The following NCALD variants were observed in gnomAD, a reference collection of about 807,000 sequenced individuals.
NCALD encodes the protein neurocalcin delta, also known as neurocalcin-delta.
In NCALD, 10 loss-of-function variants were observed where a neutral mutation model predicts 18.6. That is an observed-to-expected ratio of 0.54 (90% confidence interval 0.33 to 0.91). The LOEUF (loss-of-function observed/expected upper bound fraction) is 0.91, where lower values mean the gene tolerates loss of function less well. NCALD is among the 40% of genes least tolerant of loss of function. The probability of loss-of-function intolerance (pLI) is 0.03; values close to 1 mark genes in which losing one functional copy is unlikely to be tolerated. For synonymous variants in NCALD, 88 were observed against 87.4 expected, an observed-to-expected ratio of 1.01 and a Z score of -0.04; for missense variants, 184 against 247.6, an observed-to-expected ratio of 0.74 and a Z score of 1.72.
intron 1 of NCALD, among the ~76,000 whole-genome samples, chr8:101,748,992 G>A (rs1810541644): frequency 6.6e-6 from 1 of 152,176 alleles, no homozygotes; most frequent in African/African-American, 2.4e-5. Flanking sequence ...TGGAGCATGT[G>A]TGCATGCGCG....
intron 1 of NCALD, among the ~76,000 whole-genome samples, chr8:102,114,804 G>A (rs1042482926): frequency 1.3e-5 from 2 of 152,244 alleles, no homozygotes; most frequent in African/African-American, 4.8e-5. Context: ...GCCAGGTGGA[G>A]AAGGGAGCCA....
intron 2 of NCALD, among the ~76,000 whole-genome samples, chr8:101,703,131 T>C (rs1384700543): frequency 6.7e-6 from 1 of 150,158 alleles, no homozygotes; most frequent in Non-Finnish European, 1.5e-5. Context: ...CCTCTTCATC[T>C]GGGCTGCGTT....
intron 4 of NCALD, among the ~76,000 whole-genome samples, chr8:101,812,210 TAG>T (rs1813331096): frequency 2.0e-5 from 3 of 152,156 alleles, no homozygotes; most frequent in Admixed American, 2.0e-4. Context: ...GGGCACTGGG[TAG>T]AGACTCAGGG....
intron 1 of NCALD, among the ~76,000 whole-genome samples, chr8:102,103,241 C>T (rs1439418987): frequency 6.4e-3 from 1 of 156 alleles, no homozygotes; most frequent in Non-Finnish European, 0.05. Context: ...CCTAAACACA[C>T]TCTACCCTTT....
intron 1 of NCALD, among the ~76,000 whole-genome samples, chr8:102,042,694 G>T (rs1399298844): frequency 6.9e-6 from 1 of 145,912 alleles, no homozygotes; most frequent in East Asian, 1.9e-4. Context: ...ACTCCTTGGG[G>T]TGAAGAAGGA....
At chr8:102,099,842 C>G (rs1825217810) in intron 1 of NCALD, among the ~76,000 whole-genome samples, 1 of 151,788 alleles carries the variant, frequency 6.6e-6, no homozygotes, top group African/African-American at 2.4e-5. Flanking sequence ...CAAAGCAGTG[C>G]ACACTTGTAA....
At chr8:102,106,448 T>TAC in intron 1 of NCALD, among the ~76,000 whole-genome samples, 1 of 84,054 alleles carries the variant, frequency 1.2e-5, no homozygotes, top group Non-Finnish European at 2.8e-5. Flanking sequence ...GCATATAGTA[T>TAC]ATATATATAT....
chr8:102,086,801 G>A (rs763208979), intron 1 of NCALD, among the ~76,000 whole-genome samples: 5 of 152,170 alleles, frequency 3.3e-5, no homozygotes, highest in Non-Finnish European at 5.9e-5. Flanking sequence ...GATGAGATAG[G>A]AGATCAGCAC....
At chr8:101,882,019 T>G (rs768557171) in intron 4 of NCALD, among the ~76,000 whole-genome samples, 2 of 152,156 alleles carry the variant, frequency 1.3e-5, no homozygotes, top group Non-Finnish European at 2.9e-5. Flanking sequence ...CAGGAGACAT[T>G]TGGCAATGTC....
chr8:101,805,071 A>G (rs1363481603), intron 4 of NCALD, among the ~76,000 whole-genome samples: 2 of 152,204 alleles, frequency 1.3e-5, no homozygotes, highest in Admixed American at 6.5e-5. Flanking sequence ...TGACTTAAGT[A>G]TAACTTGTGA....
intron 1 of NCALD, among the ~76,000 whole-genome samples, chr8:101,757,728 G>C (rs1810948269): frequency 6.6e-6 from 1 of 151,742 alleles, no homozygotes; most frequent in African/African-American, 2.4e-5. Flanking sequence ...CTCTATCCCT[G>C]TATTAATTAA....
intron 3 of NCALD, among the ~76,000 whole-genome samples, chr8:101,912,596 A>G (rs978224990): frequency 5.3e-5 from 8 of 152,208 alleles, no homozygotes; most frequent in Non-Finnish European, 8.8e-5. Flanking sequence ...ACCTCGTGCT[A>G]TAGTTTGCTT....
upstream of NCALD, chr8:102,124,739 GA>G (rs973402004): frequency 6.6e-6 from 1 of 152,404 alleles, no homozygotes; most frequent in Non-Finnish European, 1.5e-5. Context: ...GGGAGCCTTG[GA>G]AGGCAGTTGA....
At chr8:101,875,468 C>T (rs1340758324) in intron 4 of NCALD, among the ~76,000 whole-genome samples, 3 of 152,182 alleles carry the variant, frequency 2.0e-5, no homozygotes, top group East Asian at 1.9e-4. Flanking sequence ...CCTCTCTGCT[C>T]GGTGCTCCGT....
intron 2 of NCALD, among the ~76,000 whole-genome samples, chr8:102,012,775 A>G (rs562549053): frequency 6.6e-6 from 1 of 152,288 alleles, no homozygotes; most frequent in African/African-American, 2.4e-5. Flanking sequence ...TTTAAGATCT[A>G]TAAGCAGTTC....
intron 2 of NCALD, among the ~76,000 whole-genome samples, chr8:101,949,924 G>A (rs895290886): frequency 6.6e-6 from 1 of 152,182 alleles, no homozygotes; most frequent in African/African-American, 2.4e-5. Flanking sequence ...ACTGAGAGGT[G>A]AGTCACCATC....
chr8:102,074,060 C>T (rs1487622817), intron 1 of NCALD, among the ~76,000 whole-genome samples: 1 of 152,176 alleles, frequency 6.6e-6, no homozygotes, highest in Admixed American at 6.5e-5. Flanking sequence ...CAGGAACGTT[C>T]CTACCACCCA....
At chr8:101,812,798 C>G (rs1261507500) in intron 4 of NCALD, among the ~76,000 whole-genome samples, 1 of 152,144 alleles carries the variant, frequency 6.6e-6, no homozygotes, top group East Asian at 1.9e-4. Flanking sequence ...TCCTACAATT[C>G]CTCTTTAGAT....
chr8:101,722,696 A>C (rs1816414751), intron 1 of NCALD, among the ~76,000 whole-genome samples: 1 of 152,232 alleles, frequency 6.6e-6, no homozygotes, highest in Non-Finnish European at 1.5e-5. Flanking sequence ...CTGCTTTTGC[A>C]CTAGAAACAA....
Sources: gnomAD v4.1 joint callset for allele counts (sites outside exome capture counted in the v4.1 genomes callset) on GRCh38, gnomAD v4.1.1 for gene constraint, MANE v1.5 for transcripts, NCBI Gene and HGNC (gene_info 2026-07-23, HGNC 2026-07-21) for gene names.